CPS1: variants seen among roughly 807,000 people sequenced by gnomAD.
The protein encoded by CPS1 is carbamoyl-phosphate synthase [ammonia], mitochondrial.
In CPS1, 109 loss-of-function variants were observed where a neutral mutation model predicts 174.6. The ratio of observed to expected loss-of-function variants is 0.62; its 90% confidence interval spans 0.53 to 0.73. The LOEUF (loss-of-function observed/expected upper bound fraction) is 0.73. Among genes scored for constraint, CPS1 ranks in the 30% least tolerant of loss-of-function variants. The probability of loss-of-function intolerance (pLI) is 0.00; values close to 1 mark genes in which losing one functional copy is unlikely to be tolerated. For missense variants in CPS1, 1,689 were observed against 1,821.9 expected (o/e 0.93, Z 1.33); for synonymous variants, 637 against 632.0 (o/e 1.01, Z -0.12).
In CPS1 at chr2:210,633,610, C is replaced by T. The variant is rs912029932; in HGVS notation, c.2688-4092C>T. Among the ~76,000 whole-genome samples, 13 of 152,038 alleles carry T rather than the reference C, an allele frequency of 8.6e-5. No homozygotes were observed. The East Asian group carries it at 1.2e-3, about 14-fold the overall frequency. On this transcript the variant is annotated intron_variant, in intron 21 of 37. Coordinates refer to ENST00000233072, the MANE Select transcript of CPS1 (RefSeq NM_001875.5). ...GACACAAATGCAAATTTATTGCATC[C>T]CTAATAGAAATGTGAGGAATCTAAT... is the stretch of plus-strand genomic sequence containing the variant.
chr2:210,629,534 C>G (rs570377746), intron 21 of CPS1, among the ~76,000 whole-genome samples: 34 of 151,524 alleles, frequency 2.2e-4, no homozygotes, highest in Admixed American at 1.6e-3. Flanking sequence ...CCAGGACGGT[C>G]TTGATCTCCT....
At chr2:210,551,799 A>C (rs1186176366), upstream of CPS1, among the ~76,000 whole-genome samples, 1 of 151,946 alleles carries the variant, frequency 6.6e-6, no homozygotes, top group Admixed American at 6.6e-5. Flanking sequence ...ACTTGATTGG[A>C]TTTCCAAGGA....
At position 210,642,653 on chromosome 2, in the gene CPS1, C is replaced by G. The variant is rs1294236456; in HGVS notation, c.3129C>G (p.Ile1043Met). The G allele has an allele frequency of 1.4e-5, 22 of 1,613,390 alleles. No individual in the cohort carries two copies. Among genetic ancestry groups the G allele is most frequent in the Non-Finnish European group, 1.9e-5 (22 of 1,179,856 alleles). Residue 1043 changes from isoleucine (I) to methionine (M), a missense_variant, in exon 25 of 38, where the codon ATC becomes ATG. Coordinates refer to ENST00000233072, the MANE Select transcript of CPS1 (RefSeq NM_001875.5). ...EELSLERILDIYHQEACGGCI... is the reference protein window; with the variant it reads ...EELSLERILDMYHQEACGGCI... ...TGTCCTTGGAGAGAATCCTAGACAT[C>G]TACCATCAGGAGGTAAGAAAAGAAA...
At chr2:210,601,965 A>G (rs1261460709) in intron 15 of CPS1, among the ~76,000 whole-genome samples, 1 of 151,934 alleles carries the variant, frequency 6.6e-6, no homozygotes, top group Non-Finnish European at 1.5e-5. Context: ...GATAAAATTT[A>G]CCGCAAAAGT....
At chr2:210,670,985 G>A (rs1220877765) in intron 34 of CPS1, among the ~76,000 whole-genome samples, 1 of 152,116 alleles carries the variant, frequency 6.6e-6, no homozygotes, top group Non-Finnish European at 1.5e-5. Context: ...CATAAGAAAG[G>A]CATAACACAG....
chr2:210,525,497 A>G (rs1695947627), intron 1 of CPS1, among the ~76,000 whole-genome samples: 1 of 151,772 alleles, frequency 6.6e-6, no homozygotes, highest in South Asian at 2.1e-4. Context: ...CAGGTCCTGC[A>G]TGAGGCTTTG....
chr2:210,630,669 G>T (rs984765205), intron 21 of CPS1, among the ~76,000 whole-genome samples: 2 of 152,142 alleles, frequency 1.3e-5, no homozygotes, highest in African/African-American at 4.8e-5. Flanking sequence ...CAAAAATTAA[G>T]ACAAAATAGT....
chr2:210,592,844 C>A, intron 10 of CPS1, 35 bp from the exon 11 acceptor site: 1 of 1,564,124 alleles, frequency 6.4e-7, no homozygotes, highest in Non-Finnish European at 8.8e-7. Flanking sequence ...TTCATTGTTA[C>A]AGAAGGAATT....
chr2:210,572,989 A>G (rs1422170393), intron 1 of CPS1, among the ~76,000 whole-genome samples: 2 of 152,216 alleles, frequency 1.3e-5, no homozygotes, highest in South Asian at 2.1e-4. Flanking sequence ...AGACAGATAC[A>G]TAACATTTCA....
At chr2:210,481,514 G>A (rs1170011115) in intron 1 of CPS1, among the ~76,000 whole-genome samples, 1 of 152,126 alleles carries the variant, frequency 6.6e-6, no homozygotes, top group South Asian at 2.1e-4. Context: ...TATTACCAAA[G>A]CCCTGCATTG....
intron 1 of CPS1, among the ~76,000 whole-genome samples, chr2:210,512,808 GGAGA>G (rs1297537241): frequency 1.2e-5 from 1 of 83,804 alleles, no homozygotes; most frequent in Non-Finnish European, 2.3e-5. Flanking sequence ...ATATATATAT[GGAGA>G]GAGAGAGATA....
intron 11 of CPS1, 135 bp from the exon 12 acceptor site, chr2:210,594,373 A>C (rs1698412713): frequency 1.5e-6 from 1 of 667,218 alleles, no homozygotes; most frequent in African/African-American, 1.8e-5. Flanking sequence ...ACAAAAAAGC[A>C]AAAAAAGCTG....
At chr2:210,567,115 CA>C (rs1697328935) in intron 1 of CPS1, among the ~76,000 whole-genome samples, 2 of 152,074 alleles carry the variant, frequency 1.3e-5, no homozygotes, top group Non-Finnish European at 2.9e-5. Flanking sequence ...AGTGACAGGT[CA>C]ATCTACGTCT....
At chr2:210,481,268 C>G (rs1033492189) in intron 1 of CPS1, among the ~76,000 whole-genome samples, 4 of 152,076 alleles carry the variant, frequency 2.6e-5, no homozygotes, top group African/African-American at 9.7e-5. Flanking sequence ...GTGTCTTTAA[C>G]GAGAAAAAAG....
intron 21 of CPS1, among the ~76,000 whole-genome samples, chr2:210,626,524 A>G (rs527322758): frequency 3.9e-5 from 6 of 152,208 alleles, no homozygotes; most frequent in African/African-American, 9.6e-5. Flanking sequence ...GTAGTTATGT[A>G]TCTACTAATT....
intron 1 of CPS1, among the ~76,000 whole-genome samples, chr2:210,567,305 A>G (rs1043478517): frequency 6.6e-6 from 1 of 152,172 alleles, no homozygotes; most frequent in Admixed American, 6.5e-5. Context: ...CCAAAGATGT[A>G]CCAGGATTAT....
rs192054393 is a variant in CPS1 at position 210,509,271 on chromosome 2, G to T, written c.3+31505G>T. ...AATCCAGTATATAAACAGAACCAATGACAAAAACCACATGATTATCTCAAT... is the reference window on the plus strand; with the variant it reads ...AATCCAGTATATAAACAGAACCAATTACAAAAACCACATGATTATCTCAAT... On this transcript the variant is annotated intron_variant, in intron 1 of 38. Coordinates refer to the CPS1 transcript ENST00000430249. Among the ~76,000 whole-genome samples, 526 of 152,222 alleles carry T rather than the reference G, an allele frequency of 3.5e-3. 1 individual carries two copies. Among genetic ancestry groups the T allele is most frequent in the Middle Eastern group, 0.01 (3 of 294 alleles).
At chr2:210,554,022 T>G (rs921226668), upstream of CPS1, among the ~76,000 whole-genome samples, 2 of 149,318 alleles carry the variant, frequency 1.3e-5, no homozygotes, top group Non-Finnish European at 3.0e-5. Context: ...TTCTGCCTTC[T>G]CCTCCTTCAT....
chr2:210,601,199 T>C (rs1698713554), intron 15 of CPS1, among the ~76,000 whole-genome samples: 1 of 151,956 alleles, frequency 6.6e-6, no homozygotes, highest in African/African-American at 2.4e-5. Context: ...AGATTTGCTT[T>C]TCTGTTATTT....
Sources: gnomAD v4.1 joint callset for allele counts (sites outside exome capture counted in the v4.1 genomes callset) on GRCh38, gnomAD v4.1.1 for gene constraint, MANE v1.5 for transcripts, NCBI Gene and HGNC (gene_info 2026-07-23, HGNC 2026-07-21) for gene names.